C19orf12: variants seen among roughly 807,000 people sequenced by gnomAD.
The protein encoded by C19orf12 is protein C19orf12.
A neutral mutation model predicts 3.8 loss-of-function variants in C19orf12; 2 were observed. The ratio of observed to expected loss-of-function variants is 0.53; its 90% CI spans 0.22 to 1.66. The LOEUF is 1.66. C19orf12 is among the 40% of genes most tolerant of loss of function. The pLI, the probability that C19orf12 is intolerant of heterozygous loss-of-function variation, is 0.20. For synonymous variants in C19orf12, 89 were observed against 84.6 expected, an observed-to-expected ratio of 1.05 and a Z score of -0.28; for missense variants, 156 against 188.8, an observed-to-expected ratio of 0.83 and a Z score of 1.02.
In C19orf12 at chr19:29,702,429, C is replaced by T. The variant is rs1972139274; in HGVS notation, c.*283G>A. 3.2e-6 allele frequency: 2 copies of T among 629,012 alleles called. No individual in the cohort carries two copies. The highest frequency in any genetic ancestry group is 5.9e-6 in the Non-Finnish European group (2 of 339,972). 39.0% of individuals were successfully genotyped at this position (629,012 alleles called of 1,614,324 possible). A position where few individuals can be genotyped will look rare whatever the true frequency, so the allele number is the denominator to read the frequency against. On this transcript the variant is annotated 3_prime_UTR_variant, in exon 3 of 3. Transcript: ENST00000323670. ...GGGTGAGAGGACTCAGCAGACGCCT[C>T]CGAAGCCTGCGGCAGGCAGGCCTTT...
intron 1 of C19orf12, among the ~76,000 whole-genome samples, chr19:29,710,491 G>A (rs1972610985): frequency 6.6e-6 from 1 of 152,142 alleles, no homozygotes. Flanking sequence ...AGCCCCCAAA[G>A]TGCTCCTCTG....
Position 29,699,734 on chromosome 19 carries a change from G to A in C19orf12, c.*2978C>T. 2.2e-6 allele frequency: 1 copy of A among 454,002 alleles called. No individual in the cohort carries two copies. The highest frequency in any genetic ancestry group is 6.9e-5 in the East Asian group (1 of 14,410). The allele number at this position is 454,002 out of a possible 1,614,324, so 28.1% of individuals were successfully genotyped here. On this transcript the variant is annotated 3_prime_UTR_variant, in exon 3 of 3. Coordinates refer to ENST00000323670, the MANE Select transcript of C19orf12 (RefSeq NM_031448.6). Reference sequence around the variant, plus strand: ...ACACATGAAATTGGTAACAGTGGCTGCCTCTGGGGTCGGCATAGGAGCAGG... The same window carrying A: ...ACACATGAAATTGGTAACAGTGGCTACCTCTGGGGTCGGCATAGGAGCAGG...
At chr19:29,705,902 T>C (rs146968679) in intron 2 of C19orf12, among the ~76,000 whole-genome samples, 1 of 152,328 alleles carries the variant, frequency 6.6e-6, no homozygotes, top group African/African-American at 2.4e-5. Flanking sequence ...AGGAATCCTT[T>C]GTACTATCTT....
upstream of C19orf12, chr19:29,715,579 G>A (rs932350371): frequency 2.8e-5 from 6 of 210,856 alleles, no homozygotes; most frequent in East Asian, 1.9e-4. Context: ...CCAGGACCGC[G>A]GGGACCTCCC....
intron 1 of C19orf12, among the ~76,000 whole-genome samples, chr19:29,711,034 A>C (rs1252306166): frequency 1.1e-5 from 1 of 88,790 alleles, no homozygotes; most frequent in African/African-American, 6.2e-5. Context: ...ATATACAGAG[A>C]GGTTTTTTTT....
At chr19:29,703,378 C>CTTTTTTTTTTTTTTTTT (rs1165470646) in intron 2 of C19orf12, among the ~76,000 whole-genome samples, 13 of 128,382 alleles carry the variant, frequency 1.0e-4, no homozygotes, top group African/African-American at 2.3e-4. Context: ...TTTTTCTTTT[C>CTTTTTTTTTTTTTTTTT]TTTTTTTTTT....
At chr19:29,714,307 A>G (rs1359528266) in intron 1 of C19orf12, among the ~76,000 whole-genome samples, 2 of 152,066 alleles carry the variant, frequency 1.3e-5, no homozygotes, top group African/African-American at 2.4e-5. Context: ...AGCCTGGCCG[A>G]TATGGTGAAA....
chr19:29,709,303 G>A (rs1972545797), intron 1 of C19orf12, among the ~76,000 whole-genome samples: 1 of 152,232 alleles, frequency 6.6e-6, no homozygotes, highest in Admixed American at 6.5e-5. Context: ...TGTGTGGCAT[G>A]CTGGAGCCAG....
intron 2 of C19orf12, among the ~76,000 whole-genome samples, chr19:29,704,546 T>A (rs1458954386): frequency 6.6e-6 from 1 of 152,248 alleles, no homozygotes; most frequent in African/African-American, 2.4e-5. Flanking sequence ...ACATTATTGT[T>A]AAATGTAAAC....
At chr19:29,708,200 G>T in intron 2 of C19orf12, 54 bp downstream of exon 2, 1 of 1,599,898 alleles carries the variant, frequency 6.3e-7, no homozygotes. Flanking sequence ...TGTTTCAACG[G>T]CCCTTTTATG....
rs1202478657 is a variant in C19orf12, at chr19:29,699,199, G to A, written c.*3513C>T. ...TATACATACATAGGCCGGGCGCAGTGGCTCACGCCTGTAATCCCAGCACTT... is the reference window on the plus strand; with the variant it reads ...TATACATACATAGGCCGGGCGCAGTAGCTCACGCCTGTAATCCCAGCACTT... On this transcript the variant is annotated 3_prime_UTR_variant, in exon 3 of 3. Coordinates refer to ENST00000323670, the MANE Select transcript of C19orf12 (RefSeq NM_031448.6). The A allele has an allele frequency of 2.2e-6, 1 of 453,910 alleles. No individual in the cohort carries two copies. The highest frequency in any genetic ancestry group is 4.4e-6 in the Non-Finnish European group (1 of 226,730). The allele number at this position is 453,910 out of a possible 1,614,324, so 28.1% of individuals were successfully genotyped here.
intron 2 of C19orf12, among the ~76,000 whole-genome samples, chr19:29,704,244 C>T (rs905643008): frequency 7.2e-5 from 11 of 152,010 alleles, no homozygotes; most frequent in South Asian, 2.1e-4. Flanking sequence ...CCGAGGTGGG[C>T]GAATCACGAG....
Position 29,715,114 on chromosome 19 carries a change from C to A in C19orf12, c.-11+11G>T. ...GGAGGCGCCCCGCCCCGGCTCCGGG[C>A]GCTCCTTTACCTGGGGGAGCGGAGG... On this transcript the variant is annotated intron_variant, in intron 1 of 2. Transcript: ENST00000323670. 3.3e-6 allele frequency: 2 copies of A among 607,510 alleles called. No homozygotes were observed. 37.6% of individuals were successfully genotyped at this position (607,510 alleles called of 1,614,324 possible).
intron 1 of C19orf12, among the ~76,000 whole-genome samples, chr19:29,710,291 C>T (rs1414118775): frequency 3.9e-5 from 6 of 152,136 alleles, no homozygotes; most frequent in South Asian, 2.1e-4. Flanking sequence ...ATGAGAGGAC[C>T]GCAAAGCCAG....
rs1176975198 is a variant in C19orf12 at position 29,702,420 on chromosome 19, C to A, written c.*292G>T. The stretch of plus-strand genomic sequence containing the variant: ...GACCCATGCGGGTGAGAGGACTCAG[C>A]AGACGCCTCCGAAGCCTGCGGCAGG... On this transcript the variant is annotated 3_prime_UTR_variant, in exon 3 of 3. Coordinates refer to ENST00000323670, the MANE Select transcript of C19orf12 (RefSeq NM_031448.6). 3.3e-6 allele frequency: 2 copies of A among 609,104 alleles called. No homozygotes were observed. The highest frequency in any genetic ancestry group is 4.3e-5 in the Admixed American group (2 of 47,046). The allele number at this position is 609,104 out of a possible 1,614,324, so 37.7% of individuals were successfully genotyped here.
At chr19:29,713,601 A>C (rs978680181) in intron 1 of C19orf12, among the ~76,000 whole-genome samples, 1 of 152,200 alleles carries the variant, frequency 6.6e-6, no homozygotes, top group Non-Finnish European at 1.5e-5. Context: ...TCCATACCCC[A>C]GCGCAAAGGC....
In C19orf12 at chr19:29,701,650, A is replaced by C. The variant is rs1972090548; in HGVS notation, c.*1062T>G. 2.2e-6 allele frequency: 1 copy of C among 453,986 alleles called. No homozygotes were observed. The highest frequency in any genetic ancestry group is 2.3e-5 in the Admixed American group (1 of 42,556). 28.1% of individuals were successfully genotyped at this position (453,986 alleles called of 1,614,324 possible). A position where few individuals can be genotyped will look rare whatever the true frequency, so the allele number is the denominator to read the frequency against. On this transcript the variant is annotated 3_prime_UTR_variant, in exon 3 of 3. Coordinates refer to ENST00000323670, the MANE Select transcript of C19orf12 (RefSeq NM_031448.6). ...TATATCACACCACTTCAGAAAGAGC[A>C]ATACAGGCATACCTCATTCTACTAT...
chr19:29,700,209 G>T lies in C19orf12; in HGVS notation c.*2503C>A. The T allele has an allele frequency of 2.2e-6, 1 of 454,012 alleles. No individual in the cohort carries two copies. The highest frequency in any genetic ancestry group is 1.6e-5 in the South Asian group (1 of 64,474). 28.1% of individuals were successfully genotyped at this position (454,012 alleles called of 1,614,324 possible). A position where few individuals can be genotyped will look rare whatever the true frequency, so the allele number is the denominator to read the frequency against. ...TGACACAGACCAGGACCTGATGCAC[G>T]AGTAAGAATGAATGGGGCCCAATCG... On this transcript the variant is annotated 3_prime_UTR_variant, in exon 3 of 3. Coordinates refer to ENST00000323670, the MANE Select transcript of C19orf12 (RefSeq NM_031448.6).
rs1271802765 is a variant in C19orf12 at position 29,701,584 on chromosome 19, T to C, written c.*1128A>G. 4.4e-6 allele frequency: 2 copies of C among 453,992 alleles called. No homozygotes were observed. The highest frequency in any genetic ancestry group is 8.8e-6 in the Non-Finnish European group (2 of 226,800). The allele number at this position is 453,992 out of a possible 1,614,324, so 28.1% of individuals were successfully genotyped here. A position where few individuals can be genotyped will look rare whatever the true frequency, so the allele number is the denominator to read the frequency against. On this transcript the variant is annotated 3_prime_UTR_variant, in exon 3 of 3. Transcript: ENST00000323670. The stretch of plus-strand genomic sequence containing the variant: ...CACAGTTACGGAGAGCTGACTGTAC[T>C]GGGGAAATCTTTAGGGTAGAAACAT...
Sources: allele counts gnomAD v4.1 joint callset (sites outside exome capture counted in the v4.1 genomes callset), GRCh38; gene constraint gnomAD v4.1.1; transcripts MANE v1.5; gene names NCBI Gene and HGNC (gene_info 2026-07-23, HGNC 2026-07-21).